RIMS1: variants seen among roughly 807,000 people sequenced by gnomAD.
RIMS1 encodes the protein regulating synaptic membrane exocytosis protein 1.
Under a neutral mutation model 214.1 loss-of-function variants are expected in RIMS1, and 83 were observed. The observed-to-expected ratio is 0.39, with a 90% confidence interval of 0.32 to 0.47. RIMS1 has a LOEUF of 0.47. RIMS1 is among the 20% of genes least tolerant of loss of function. The pLI is 0.99. For synonymous variants in RIMS1, 793 were observed against 786.8 expected (o/e 1.01, Z -0.13); for missense variants, 2,050 against 2,161.8 (o/e 0.95, Z 1.03).
chr6:72,299,228 A>G (rs2094390594), intron 26 of RIMS1, among the ~76,000 whole-genome samples: 1 of 151,920 alleles, frequency 6.6e-6, no homozygotes, highest in African/African-American at 2.4e-5. Context: ...ATGCCTTTAG[A>G]TACTATTTTT....
At chr6:72,058,154 A>G (rs1826857903) in intron 2 of RIMS1, among the ~76,000 whole-genome samples, 1 of 152,228 alleles carries the variant, frequency 6.6e-6, no homozygotes, top group Non-Finnish European at 1.5e-5. Flanking sequence ...GATCTTGTAA[A>G]ATGTATATAG....
chr6:72,200,235 T>C lies in RIMS1; in HGVS notation c.1678+17086T>C, dbSNP rs191018004. On this transcript the variant is annotated intron_variant, in intron 6 of 33. Transcript: ENST00000521978. ...TTTATACTAGTTTCTCTTTCCTTTC[T>C]CTTCATATATTAATTTTTCATTGAG... is the stretch of plus-strand genomic sequence containing the variant. Among the ~76,000 whole-genome samples, 19 of 152,158 alleles carry C rather than the reference T, an allele frequency of 1.2e-4. No individual in the cohort carries two copies. The East Asian group carries it at 3.7e-3, about 29-fold the overall frequency.
In RIMS1 at chr6:72,182,377, G is replaced by GAAC; in HGVS notation, c.906_907insAAC (p.Glu302_Gly303insAsn). ...CAAAGACCTCAGCGCAGCCCGTGGA[G>GAAC]GGGGCCGTCGAAGAACGGGAGCGCA... is the stretch of plus-strand genomic sequence containing the variant. On this transcript the variant is annotated inframe_insertion, in exon 6 of 34. Transcript: ENST00000521978. The GAAC allele has an allele frequency of 6.2e-7, 1 of 1,613,910 alleles. No individual in the cohort carries two copies. Among genetic ancestry groups the GAAC allele is most frequent in the Non-Finnish European group, 8.5e-7 (1 of 1,179,870 alleles).
At chr6:72,122,348 G>C (rs555100555) in intron 4 of RIMS1, among the ~76,000 whole-genome samples, 1 of 151,294 alleles carries the variant, frequency 6.6e-6, no homozygotes, top group East Asian at 1.9e-4. Context: ...GGGACTACAG[G>C]TGCCTGCCAC....
chr6:72,342,797 A>T (rs1445523132), intron 29 of RIMS1, among the ~76,000 whole-genome samples: 1 of 151,862 alleles, frequency 6.6e-6, no homozygotes, highest in Non-Finnish European at 1.5e-5. Flanking sequence ...GCGATAATTC[A>T]AGAACACAAG....
intron 6 of RIMS1, among the ~76,000 whole-genome samples, chr6:72,232,341 A>AC (rs2062308328): frequency 6.6e-6 from 1 of 151,630 alleles, no homozygotes; most frequent in Admixed American, 6.6e-5. Context: ...TTCTTTCAGA[A>AC]CAAGCTGTCA....
chr6:72,031,342 C>A (rs1818052813), intron 2 of RIMS1, among the ~76,000 whole-genome samples: 1 of 152,116 alleles, frequency 6.6e-6, no homozygotes, highest in Non-Finnish European at 1.5e-5. Context: ...ATACTTCTGT[C>A]AGAGCCCCTA....
chr6:72,283,509 T>TTA (rs202124174), intron 23 of RIMS1, among the ~76,000 whole-genome samples: 1 of 152,148 alleles, frequency 6.6e-6, no homozygotes, highest in Non-Finnish European at 1.5e-5. Context: ...TTTTAATACT[T>TTA]TATATAAATA....
chr6:72,269,046 C>T (rs1275814724), intron 22 of RIMS1, among the ~76,000 whole-genome samples: 1 of 152,070 alleles, frequency 6.6e-6, no homozygotes, highest in Non-Finnish European at 1.5e-5. Context: ...ACTTACTTTT[C>T]TTGGATGGTT....
intron 2 of RIMS1, among the ~76,000 whole-genome samples, chr6:72,023,838 TTAAA>T (rs1263429054): frequency 6.6e-6 from 1 of 152,196 alleles, no homozygotes; most frequent in Non-Finnish European, 1.5e-5. Flanking sequence ...ATAGAGATAT[TTAAA>T]TAAATACACT....
intron 28 of RIMS1, among the ~76,000 whole-genome samples, chr6:72,316,068 T>C (rs2095770979): frequency 6.6e-6 from 1 of 152,144 alleles, no homozygotes; most frequent in African/African-American, 2.4e-5. Context: ...GTAAGGACTT[T>C]ATTATCTTCT....
intron 1 of RIMS1, among the ~76,000 whole-genome samples, chr6:71,936,455 C>T (rs922394109): frequency 2.6e-5 from 4 of 151,986 alleles, no homozygotes; most frequent in African/African-American, 9.7e-5. Context: ...AGCTGCCTCC[C>T]TACACCACCT....
At chr6:72,036,142 G>A (rs775646017) in intron 2 of RIMS1, among the ~76,000 whole-genome samples, 2 of 152,120 alleles carry the variant, frequency 1.3e-5, no homozygotes, top group Non-Finnish European at 2.9e-5. Context: ...TAGTCTCTTA[G>A]CATGACTGTG....
chr6:72,198,103 T>A (rs1285066331), intron 6 of RIMS1, among the ~76,000 whole-genome samples: 1 of 152,066 alleles, frequency 6.6e-6, no homozygotes, highest in Admixed American at 6.6e-5. Flanking sequence ...CCACTACTGG[T>A]ATTTATCCAA....
intron 1 of RIMS1, among the ~76,000 whole-genome samples, chr6:71,911,304 G>A (rs1462469454): frequency 6.6e-6 from 1 of 152,264 alleles, no homozygotes; most frequent in East Asian, 1.9e-4. Context: ...AGCCACACAA[G>A]AACTGAGTTG....
chr6:71,961,333 C>T (rs1792893464), intron 1 of RIMS1, among the ~76,000 whole-genome samples: 1 of 151,944 alleles, frequency 6.6e-6, no homozygotes, highest in South Asian at 2.1e-4. Context: ...TCACTAAACT[C>T]TTCTCCTCTT....
At chr6:72,376,392 T>C (rs897556669) in intron 29 of RIMS1, among the ~76,000 whole-genome samples, 3 of 152,166 alleles carry the variant, frequency 2.0e-5, no homozygotes, top group Non-Finnish European at 2.9e-5. Context: ...GCTGTTACTC[T>C]TCCACATCTG....
chr6:72,373,508 T>G (rs1405826686), intron 29 of RIMS1, among the ~76,000 whole-genome samples: 2 of 152,200 alleles, frequency 1.3e-5, no homozygotes, highest in African/African-American at 4.8e-5. Flanking sequence ...GGATTGTCAT[T>G]GTTTATAGTC....
At chr6:72,255,946 G>A (rs1300485544) in intron 16 of RIMS1, among the ~76,000 whole-genome samples, 1 of 149,284 alleles carries the variant, frequency 6.7e-6, no homozygotes, top group Non-Finnish European at 1.5e-5. Context: ...TGAGGCAGGA[G>A]AATCACTTCA....
Sources: gnomAD v4.1 joint callset for allele counts (sites outside exome capture counted in the v4.1 genomes callset) on GRCh38, gnomAD v4.1.1 for gene constraint, MANE v1.5 for transcripts, NCBI Gene and HGNC (gene_info 2026-07-23, HGNC 2026-07-21) for gene names.